ANKRD11: variants seen among roughly 807,000 people sequenced by gnomAD.
The protein encoded by ANKRD11 is ankyrin repeat domain 11.
ANKRD11 carries 17 observed loss-of-function variants against 195.7 expected under a neutral mutation model. The observed-to-expected ratio is 0.09, with a 90% CI of 0.06 to 0.13. The LOEUF (loss-of-function observed/expected upper bound fraction) is 0.13, where lower values mean the gene tolerates loss of function less well. ANKRD11 is among the 10% of genes least tolerant of loss of function. The pLI, the probability that ANKRD11 is intolerant of heterozygous loss-of-function variation, is 1.00. For synonymous variants in ANKRD11, 1,953 were observed against 1,528.1 expected (o/e 1.28, Z -6.49); for missense variants, 3,735 against 3,566.1 (o/e 1.05, Z -1.21).
intron 9 of ANKRD11, chr16:89,278,129 T>C (rs2033818330): frequency 3.9e-6 from 1 of 256,642 alleles, no homozygotes; most frequent in South Asian, 4.2e-5. Flanking sequence ...TCGCGTGGTC[T>C]GGGAGGAGAC....
intron 2 of ANKRD11, among the ~76,000 whole-genome samples, chr16:89,356,024 T>G (rs1412205319): frequency 2.0e-5 from 3 of 152,178 alleles, no homozygotes; most frequent in Non-Finnish European, 4.4e-5. Context: ...GAGGCGACAG[T>G]GAGCCCAGAT....
In ANKRD11 at chr16:89,283,301, C is replaced by T. The variant is rs1384052546; in HGVS notation, c.3241G>A (p.Asp1081Asn). 30 of 1,613,914 alleles carry T rather than the reference C, an allele frequency of 1.9e-5. No homozygotes were observed. The highest frequency in any genetic ancestry group is 4.5e-5 in the East Asian group (2 of 44,888). Residue 1081 changes from aspartate (D) to asparagine (N), a missense_variant, in exon 9 of 13, where the codon GAC becomes AAC. By Grantham distance (23) the Asp-to-Asn change is conservative. Coordinates refer to ENST00000301030, the MANE Select transcript of ANKRD11 (RefSeq NM_013275.6). This position sits in a 1 kb window ranked among gnomAD's most constrained non-coding sequence, Gnocchi z 4.3. ...GKDKERKASL[D>N]QGKEKKEKAF... is the part of the protein sequence containing the mutation. ...TTCTCCTTCTTCTCTTTCCCTTGGT[C>T]GAGAGACGCTTTCCTTTCTTTGTCT... is the stretch of plus-strand genomic sequence containing the variant.
chr16:89,316,960 G>T lies in ANKRD11; in HGVS notation c.60C>A (p.Asp20Glu). The change falls in exon 3 of 13, where the codon GAC becomes GAA. Residue 20 changes from aspartate (D) to glutamate (E), a missense_variant. Asp to Glu is a conservative substitution (Grantham distance 45). Coordinates refer to ENST00000301030, the MANE Select transcript of ANKRD11 (RefSeq NM_013275.6). The stretch of plus-strand genomic sequence containing the variant: ...TTTTCCCAGTCTGCTTCTCCACCAT[G>T]TCGCTGCTGAGGGGAAGCTCTTCCT... ...PQQEELPLSS[D>E]MVEKQTGKKD... The T allele has an allele frequency of 6.2e-7, 1 of 1,613,860 alleles. No homozygotes were observed. Among genetic ancestry groups the T allele is most frequent in the Non-Finnish European group, 8.5e-7 (1 of 1,179,938 alleles).
chr16:89,315,227 T>G (rs1355636128), intron 3 of ANKRD11, among the ~76,000 whole-genome samples: 1 of 152,148 alleles, frequency 6.6e-6, no homozygotes, highest in African/African-American at 2.4e-5. Context: ...GGGCGAGGCC[T>G]GAGCTGTATG....
At chr16:89,337,843 T>C (rs905617177) in intron 2 of ANKRD11, among the ~76,000 whole-genome samples, 1 of 152,140 alleles carries the variant, frequency 6.6e-6, no homozygotes, top group Non-Finnish European at 1.5e-5. Context: ...GCAATGCCTG[T>C]TCCTCTCCCT....
At chr16:89,300,707 C>G in intron 4 of ANKRD11, 1 of 540,882 alleles carries the variant, frequency 1.8e-6, no homozygotes, top group East Asian at 3.2e-5. Flanking sequence ...ACAAACATGA[C>G]GTCAGGAAAA....
In ANKRD11 at chr16:89,268,526, G is replaced by A. The variant is rs972669347; in HGVS notation, c.7944C>T (p.Tyr2648=). Residue 2648 remains tyrosine, a synonymous_variant, in exon 13 of 13, where the codon TAC becomes TAT. Coordinates refer to ENST00000301030, the MANE Select transcript of ANKRD11 (RefSeq NM_013275.6). ...CGTCGTTGACGTCGACCATGGGCACGTAGAAGGAGGGCACCTCGTTCACGC... is the reference window on the plus strand; with the variant it reads ...CGTCGTTGACGTCGACCATGGGCACATAGAAGGAGGGCACCTCGTTCACGC... ...SLCVNEVPSF[Y]VPMVDVNDDF... is the part of the protein sequence containing the mutation. 11 of 1,454,934 alleles carry A rather than the reference G, an allele frequency of 7.6e-6. No individual in the cohort carries two copies. The highest frequency in any genetic ancestry group is 2.3e-4 in the Middle Eastern group (1 of 4,294). 90.1% of individuals were successfully genotyped at this position (1,454,934 alleles called of 1,614,324 possible).
chr16:89,402,002 C>A (rs2041712361), intron 2 of ANKRD11, among the ~76,000 whole-genome samples: 1 of 151,236 alleles, frequency 6.6e-6, no homozygotes, highest in Non-Finnish European at 1.5e-5. Flanking sequence ...GTCTCAGAGC[C>A]GTGGGAGAAC....
intron 3 of ANKRD11, among the ~76,000 whole-genome samples, chr16:89,312,727 G>A (rs971777906): frequency 2.6e-5 from 4 of 152,180 alleles, no homozygotes; most frequent in Admixed American, 6.5e-5. Context: ...TGCTCCTCCC[G>A]AAGCATGCGG....
chr16:89,291,814 T>G lies in ANKRD11; in HGVS notation c.227-631A>C. 9 of 1,275,326 alleles carry G rather than the reference T, an allele frequency of 7.1e-6. No individual in the cohort carries two copies. The highest frequency in any genetic ancestry group is 8.2e-6 in the Non-Finnish European group (8 of 976,036). The allele number at this position is 1,275,326 out of a possible 1,614,324, so 79.0% of individuals were successfully genotyped here. On this transcript the variant is annotated intron_variant, in intron 4 of 12. Transcript: ENST00000301030. This position sits in a 1 kb window ranked among gnomAD's most constrained non-coding sequence, Gnocchi z 5.3. ...AACACAGAGCACTAACAAGACACGG[T>G]GTGAGAGCTCGGCTGTTTCCACCTC...
At chr16:89,455,788 A>T (rs1301169453) in intron 1 of ANKRD11, among the ~76,000 whole-genome samples, 2 of 152,204 alleles carry the variant, frequency 1.3e-5, no homozygotes, top group African/African-American at 2.4e-5. Context: ...GTAGGAATGT[A>T]AAATGGTGCA....
intron 1 of ANKRD11, chr16:89,431,311 T>G (rs547126854): frequency 1.3e-5 from 2 of 152,764 alleles, no homozygotes; most frequent in Non-Finnish European, 2.9e-5. Context: ...GGAAGAGTCC[T>G]GGCAGGCTGC....
chr16:89,329,287 CCT>C (rs2037920860), intron 2 of ANKRD11, among the ~76,000 whole-genome samples: 1 of 152,178 alleles, frequency 6.6e-6, no homozygotes, highest in Admixed American at 6.5e-5. Context: ...GGGCGGTCAC[CCT>C]GTCTTCCAAT....
intron 1 of ANKRD11, among the ~76,000 whole-genome samples, chr16:89,448,614 T>A (rs941399072): frequency 1.3e-5 from 2 of 152,196 alleles, no homozygotes. Context: ...AAAAATACCT[T>A]CCAAATAATC....
intron 2 of ANKRD11, among the ~76,000 whole-genome samples, chr16:89,386,489 C>A (rs1308444132): frequency 1.3e-5 from 2 of 152,124 alleles, no homozygotes; most frequent in African/African-American, 4.8e-5. Context: ...AGGATAGAAC[C>A]CGGCACACAG....
intron 1 of ANKRD11, among the ~76,000 whole-genome samples, chr16:89,449,552 G>A (rs1191910229): frequency 3.9e-5 from 6 of 152,232 alleles, no homozygotes; most frequent in African/African-American, 1.4e-4. Flanking sequence ...CGAGCACTTT[G>A]GGAGGCCGAG....
At chr16:89,408,396 G>C (rs113306344) in intron 2 of ANKRD11, among the ~76,000 whole-genome samples, 32 of 152,358 alleles carry the variant, frequency 2.1e-4, no homozygotes, top group African/African-American at 7.0e-4. Flanking sequence ...GCACCCAGTT[G>C]CCTGGGCAGA....
At chr16:89,367,578 C>T (rs954197667) in intron 2 of ANKRD11, among the ~76,000 whole-genome samples, 8 of 152,194 alleles carry the variant, frequency 5.3e-5, no homozygotes, top group Non-Finnish European at 8.8e-5. Context: ...GTTCCTGACC[C>T]GTCCCTCCTC....
At chr16:89,277,052 T>A (rs1274291507) in intron 9 of ANKRD11, among the ~76,000 whole-genome samples, 1 of 50,998 alleles carries the variant, frequency 2.0e-5, no homozygotes, top group Non-Finnish European at 4.0e-5. Flanking sequence ...TGAGACTCTG[T>A]CTTAAAAAAA....
Sources: allele counts gnomAD v4.1 joint callset (sites outside exome capture counted in the v4.1 genomes callset), GRCh38; gene constraint gnomAD v4.1.1; non-coding constraint Gnocchi (gnomAD v3.1); transcripts MANE v1.5; gene names NCBI Gene and HGNC (gene_info 2026-07-23, HGNC 2026-07-21).